EYA4: variants seen among roughly 807,000 people sequenced by gnomAD.
EYA4 encodes protein phosphatase EYA4.
Under a neutral mutation model 87.9 loss-of-function variants are expected in EYA4, and 31 were observed. That is an observed-to-expected ratio of 0.35 (90% CI 0.27 to 0.48). The LOEUF is 0.48. Among genes scored for constraint, EYA4 ranks in the 20% least tolerant of loss-of-function variants. EYA4 has a pLI of 0.99. For synonymous variants in EYA4, 263 were observed against 270.6 expected, an observed-to-expected ratio of 0.97 and a Z score of 0.28; for missense variants, 678 against 761.4, an observed-to-expected ratio of 0.89 and a Z score of 1.29.
chr6:133,370,666 A>G (rs1035921368), intron 2 of EYA4, among the ~76,000 whole-genome samples: 5 of 152,348 alleles, frequency 3.3e-5, no homozygotes, highest in Admixed American at 3.3e-4. Context: ...GTTTTCCCCT[A>G]ATAGTACATG....
intron 3 of EYA4, among the ~76,000 whole-genome samples, chr6:133,409,738 C>G (rs79609485): frequency 0.063 from 9,554 of 152,010 alleles, 873 homozygotes; most frequent in African/African-American, 0.2. Context: ...CAGTTATGTA[C>G]GATGAATAAC....
intron 14 of EYA4, chr6:133,510,321 GA>G (rs1429441680): frequency 6.3e-6 from 1 of 158,624 alleles, no homozygotes; most frequent in African/African-American, 2.4e-5. Flanking sequence ...TTTACATGTG[GA>G]AAGATTTCAG....
At position 133,529,644 on chromosome 6, in the gene EYA4, A is replaced by G; in HGVS notation, c.*839A>G. 1.0e-6 allele frequency: 1 copy of G among 985,256 alleles called. No homozygotes were observed. Among genetic ancestry groups the G allele is most frequent in the Middle Eastern group, 5.2e-4 (1 of 1,912 alleles). 61.0% of individuals were successfully genotyped at this position (985,256 alleles called of 1,614,324 possible). On this transcript the variant is annotated 3_prime_UTR_variant, in exon 20 of 20. Transcript: ENST00000355286. ...TGAGTATTTTTTGCAATAAGAAAACAACAATAATAAAGGAAAGCTTGTGTT... is the reference window on the plus strand; with the variant it reads ...TGAGTATTTTTTGCAATAAGAAAACGACAATAATAAAGGAAAGCTTGTGTT...
At chr6:133,425,527 A>G (rs1207670618) in intron 3 of EYA4, among the ~76,000 whole-genome samples, 4 of 150,686 alleles carry the variant, frequency 2.7e-5, no homozygotes, top group Admixed American at 2.6e-4. Flanking sequence ...CTTTCACTGA[A>G]AACAGTCCCT....
chr6:133,491,615 G>A (rs761756105), intron 13 of EYA4, among the ~76,000 whole-genome samples: 2 of 151,960 alleles, frequency 1.3e-5, no homozygotes, highest in South Asian at 2.1e-4. Flanking sequence ...AGTCCAAAAC[G>A]TGAACACACC....
rs768724484 is a variant in EYA4, at chr6:133,383,517, C to CAAAAAAAAAAA, written c.83+1094_83+1104dup. ...TGGGCGACAGAGCGAGACTCCATCT[C>CAAAAAAAAAAA]AAAAAAAAAAAAAAAAAAAAAAAAA... is the stretch of plus-strand genomic sequence containing the variant. On this transcript the variant is annotated intron_variant, in intron 3 of 19. Coordinates refer to ENST00000355286, the MANE Select transcript of EYA4 (RefSeq NM_004100.5). Among the ~76,000 whole-genome samples, 282 of 45,220 alleles carry CAAAAAAAAAAA rather than the reference C, an allele frequency of 6.2e-3. 46 individuals are homozygous for CAAAAAAAAAAA. Among genetic ancestry groups the CAAAAAAAAAAA allele is most frequent in the East Asian group, 0.02 (21 of 1,050 alleles). 29.7% of individuals were successfully genotyped at this position (45,220 alleles called of 152,430 possible).
At chr6:133,431,088 T>G (rs1016517339) in intron 3 of EYA4, among the ~76,000 whole-genome samples, 5 of 152,164 alleles carry the variant, frequency 3.3e-5, no homozygotes, top group Admixed American at 1.3e-4. Context: ...TTGGGTGTGT[T>G]TGACAAACAG....
chr6:133,519,675 A>G (rs1371176494), intron 17 of EYA4, among the ~76,000 whole-genome samples: 15 of 146,750 alleles, frequency 1.0e-4, no homozygotes, highest in African/African-American at 2.8e-4. Flanking sequence ...TACCAAAGCC[A>G]GGCAGAGACA....
At chr6:133,383,544 A>AAAAAAAAAAT (rs1786436289) in intron 3 of EYA4, among the ~76,000 whole-genome samples, 1 of 150,806 alleles carries the variant, frequency 6.6e-6, no homozygotes, top group Non-Finnish European at 1.5e-5. Flanking sequence ...AAAAAAAAAA[A>AAAAAAAAAAT]ATGTAATGGC....
chr6:133,370,086 CA>C (rs1435013856), intron 2 of EYA4, among the ~76,000 whole-genome samples: 1 of 152,200 alleles, frequency 6.6e-6, no homozygotes, highest in Non-Finnish European at 1.5e-5. Context: ...CACGCCAGAG[CA>C]AGGTGCTTTT....
At chr6:133,517,368 C>T (rs961266102) in intron 17 of EYA4, among the ~76,000 whole-genome samples, 3 of 151,854 alleles carry the variant, frequency 2.0e-5, no homozygotes, top group Non-Finnish European at 4.4e-5. Flanking sequence ...TACCCCTGAA[C>T]TTAAAATAAA....
At chr6:133,525,751 G>A (rs960176492) in intron 19 of EYA4, 4 of 208,142 alleles carry the variant, frequency 1.9e-5, no homozygotes, top group East Asian at 1.8e-4. Flanking sequence ...TATGGTCCTC[G>A]TGAGTGCCTG....
chr6:133,273,014 T>C (rs115346081), intron 1 of EYA4, among the ~76,000 whole-genome samples: 2 of 151,136 alleles, frequency 1.3e-5, no homozygotes, highest in African/African-American at 4.9e-5. Context: ...CCGATGCTGA[T>C]GCTCATTAGA....
intron 3 of EYA4, among the ~76,000 whole-genome samples, chr6:133,408,458 A>T (rs1249049194): frequency 1.3e-5 from 2 of 152,202 alleles, no homozygotes; most frequent in African/African-American, 4.8e-5. Flanking sequence ...TACGCATAAG[A>T]TTAAATGAAT....
chr6:133,515,333 C>G lies in EYA4; in HGVS notation c.1514C>G (p.Pro505Arg). ...YKNNVGGLLGPAKRDAWLQLR... is the reference protein window; with the variant it reads ...YKNNVGGLLGRAKRDAWLQLR... ...TTTGGTGTTGCAGGACTCCTTGGCC[C>G]TGCCAAGAGGGATGCCTGGCTACAG... Residue 505 changes from proline to arginine, a missense_variant, in exon 17 of 20, where the codon CCT (proline) becomes CGT (arginine). Pro to Arg is a moderately radical substitution (Grantham distance 103). Transcript: ENST00000355286. 6.2e-7 allele frequency: 1 copy of G among 1,608,148 alleles called. No individual in the cohort carries two copies. The highest frequency in any genetic ancestry group is 8.5e-7 in the Non-Finnish European group (1 of 1,174,508).
intron 2 of EYA4, among the ~76,000 whole-genome samples, chr6:133,326,340 T>A (rs1253117873): frequency 1.3e-5 from 2 of 152,178 alleles, no homozygotes; most frequent in Non-Finnish European, 2.9e-5. Context: ...TGAAACTCTT[T>A]GAGCATCAAT....
chr6:133,242,159 C>T lies in EYA4; in HGVS notation c.-66+410C>T, dbSNP rs190202005. Among the ~76,000 whole-genome samples, 62 of 152,346 alleles carry T rather than the reference C, an allele frequency of 4.1e-4. 1 individual carries two copies. The highest frequency in any genetic ancestry group is 4.1e-3 in the Admixed American group (62 of 15,298). On this transcript the variant is annotated intron_variant, in intron 1 of 19. Transcript: ENST00000355286. ...GCATCGGGGTCTCCCCCACATCTTT[C>T]TTATGACGTGTATTACTTTCTGATG...
chr6:133,327,954 G>A (rs774620148), intron 2 of EYA4, among the ~76,000 whole-genome samples: 9 of 152,122 alleles, frequency 5.9e-5, no homozygotes, highest in African/African-American at 2.2e-4. Flanking sequence ...TTTCATATGG[G>A]CCAAGTTGAT....
intron 17 of EYA4, among the ~76,000 whole-genome samples, chr6:133,519,666 A>G (rs1799932466): frequency 6.7e-6 from 1 of 148,708 alleles, no homozygotes; most frequent in South Asian, 2.2e-4. Flanking sequence ...TCATTCTGAT[A>G]CCAAAGCCAG....
Sources: allele counts gnomAD v4.1 joint callset (sites outside exome capture counted in the v4.1 genomes callset), GRCh38; gene constraint gnomAD v4.1.1; transcripts MANE v1.5; gene names NCBI Gene and HGNC (gene_info 2026-07-23, HGNC 2026-07-21).